RBFOX1: variants seen among roughly 807,000 people sequenced by gnomAD.
RBFOX1 encodes RNA binding fox-1 homolog 1, also known as RNA binding protein fox-1 homolog 1.
In RBFOX1, 8 loss-of-function variants were observed where a neutral mutation model predicts 57.7. That is an observed-to-expected ratio of 0.14 (90% confidence interval 0.08 to 0.25). The LOEUF is 0.25. Among genes scored for constraint, RBFOX1 ranks in the 10% least tolerant of loss-of-function variants. The pLI, the probability that RBFOX1 is intolerant of heterozygous loss-of-function variation, is 1.00. For synonymous variants in RBFOX1, 326 were observed against 222.4 expected (o/e 1.47, Z -4.15); for missense variants, 611 against 548.5 (o/e 1.11, Z -1.14).
At chr16:5,769,090 T>C (rs2053889739) in intron 3 of RBFOX1, among the ~76,000 whole-genome samples, 1 of 149,276 alleles carries the variant, frequency 6.7e-6, no homozygotes, top group Admixed American at 6.7e-5. Context: ...AAAAAAAGAG[T>C]CAATTAAATA....
At chr16:7,333,849 A>T (rs1279713464) in intron 4 of RBFOX1, among the ~76,000 whole-genome samples, 1 of 152,142 alleles carries the variant, frequency 6.6e-6, no homozygotes, top group Non-Finnish European at 1.5e-5. Flanking sequence ...CTCCGTTGAA[A>T]GCTAACATCT....
At chr16:7,252,050 T>C (rs1374984070) in intron 4 of RBFOX1, among the ~76,000 whole-genome samples, 3 of 152,150 alleles carry the variant, frequency 2.0e-5, no homozygotes, top group Non-Finnish European at 4.4e-5. Context: ...GAGAAGGATA[T>C]TGTGTTCTAG....
intron 2 of RBFOX1, among the ~76,000 whole-genome samples, chr16:6,332,506 T>C (rs2083166384): frequency 6.6e-6 from 1 of 152,232 alleles, no homozygotes; most frequent in African/African-American, 2.4e-5. Context: ...ATAGGAGACA[T>C]GACTGACTGT....
At chr16:6,059,269 T>A (rs551341590) in intron 1 of RBFOX1, 5 of 152,152 alleles carry the variant, frequency 3.3e-5, no homozygotes, top group Non-Finnish European at 7.3e-5. Context: ...CAATTCTGAT[T>A]TCTTCCCTAA....
chr16:7,686,218 C>A (rs1207802657), intron 14 of RBFOX1, among the ~76,000 whole-genome samples: 2 of 151,404 alleles, frequency 1.3e-5, no homozygotes, highest in Admixed American at 1.3e-4. Context: ...CCTGTGGAAA[C>A]GGGTTTTATG....
At chr16:6,767,938 T>TAAGAAGAAGAAGAAGAAGAAGAAGAAG (rs1450877589) in intron 3 of RBFOX1, among the ~76,000 whole-genome samples, 7 of 84,778 alleles carry the variant, frequency 8.3e-5, no homozygotes, top group African/African-American at 3.2e-4. Flanking sequence ...ATAATAATAA[T>TAAGAAGAAGAAGAAGAAGAAGAAGAAG]AATAATAATA....
At chr16:6,563,715 C>A (rs767200713) in intron 2 of RBFOX1, among the ~76,000 whole-genome samples, 6 of 151,924 alleles carry the variant, frequency 3.9e-5, no homozygotes, top group Non-Finnish European at 7.4e-5. Context: ...CATGGTGGCA[C>A]ACACTGGTAG....
chr16:6,211,349 C>T (rs1048042390), intron 1 of RBFOX1, among the ~76,000 whole-genome samples: 1 of 151,756 alleles, frequency 6.6e-6, no homozygotes, highest in East Asian at 1.9e-4. Flanking sequence ...CTACCTCAGC[C>T]TCCCAGGTAG....
At chr16:7,163,681 C>T (rs945446973) in intron 4 of RBFOX1, among the ~76,000 whole-genome samples, 4 of 151,790 alleles carry the variant, frequency 2.6e-5, no homozygotes, top group Non-Finnish European at 5.9e-5. Flanking sequence ...TTTTTTTAGA[C>T]AGTCTTGCTC....
At chr16:6,688,258 C>T (rs116887511) in intron 3 of RBFOX1, among the ~76,000 whole-genome samples, 2 of 151,904 alleles carry the variant, frequency 1.3e-5, no homozygotes, top group Non-Finnish European at 2.9e-5. Flanking sequence ...AGGTGCTACA[C>T]AATTGTAAAC....
intron 3 of RBFOX1, among the ~76,000 whole-genome samples, chr16:6,950,740 G>T (rs961319708): frequency 6.6e-6 from 1 of 152,132 alleles, no homozygotes; most frequent in Non-Finnish European, 1.5e-5. Flanking sequence ...GAGGAGATTT[G>T]CGGCCATGTA....
intron 4 of RBFOX1, among the ~76,000 whole-genome samples, chr16:7,204,090 C>T (rs904804827): frequency 1.3e-5 from 2 of 152,242 alleles, no homozygotes; most frequent in Admixed American, 6.5e-5. Context: ...CTGGCTACAA[C>T]TCTAATCCAT....
At chr16:7,011,667 C>T (rs921401890) in intron 3 of RBFOX1, among the ~76,000 whole-genome samples, 2 of 152,154 alleles carry the variant, frequency 1.3e-5, no homozygotes, top group Non-Finnish European at 2.9e-5. Context: ...GTGCCTGCCA[C>T]CATGCTCGGC....
At chr16:7,270,413 C>G (rs2095289420) in intron 4 of RBFOX1, among the ~76,000 whole-genome samples, 3 of 152,116 alleles carry the variant, frequency 2.0e-5, no homozygotes, top group Non-Finnish European at 4.4e-5. Context: ...AAACATCTAA[C>G]AATGATAAAG....
chr16:6,541,552 A>G (rs1032343178), intron 2 of RBFOX1, among the ~76,000 whole-genome samples: 2 of 152,156 alleles, frequency 1.3e-5, no homozygotes, highest in South Asian at 2.1e-4. Context: ...TGAATGGAAT[A>G]TTTTTTCTAA....
chr16:6,822,685 G>C (rs1040130520), intron 3 of RBFOX1, among the ~76,000 whole-genome samples: 1 of 152,176 alleles, frequency 6.6e-6, no homozygotes. Flanking sequence ...GCTATGGTGT[G>C]TTTTTAAAGA....
At chr16:7,280,772 A>G (rs922703756) in intron 4 of RBFOX1, among the ~76,000 whole-genome samples, 6 of 152,084 alleles carry the variant, frequency 3.9e-5, no homozygotes, top group East Asian at 1.9e-4. Context: ...GCCTTTCCCC[A>G]TGAGACACTA....
intron 3 of RBFOX1, among the ~76,000 whole-genome samples, chr16:6,943,673 A>G (rs1412060773): frequency 1.3e-5 from 2 of 150,282 alleles, no homozygotes; most frequent in African/African-American, 2.5e-5. Context: ...GCGTCACTGC[A>G]CTCCAGCCTG....
At chr16:6,846,147 C>T (rs1049268706) in intron 3 of RBFOX1, among the ~76,000 whole-genome samples, 1 of 152,266 alleles carries the variant, frequency 6.6e-6, no homozygotes, top group African/African-American at 2.4e-5. Context: ...TGTTGCCTAG[C>T]CCAGAGCTGC....
Sources: gnomAD v4.1 joint callset for allele counts (sites outside exome capture counted in the v4.1 genomes callset) on GRCh38, gnomAD v4.1.1 for gene constraint, MANE v1.5 for transcripts, NCBI Gene and HGNC (gene_info 2026-07-23, HGNC 2026-07-21) for gene names.